The following SYNE1 variants were observed in gnomAD, a reference collection of about 807,000 sequenced individuals.
SYNE1 encodes the protein nesprin-1.
Under a neutral mutation model 1,111.0 loss-of-function variants are expected in SYNE1, and 616 were observed. The observed-to-expected ratio is 0.55, with a 90% CI of 0.52 to 0.59. The LOEUF is 0.59. Among genes scored for constraint, SYNE1 ranks in the 20% least tolerant of loss-of-function variants. SYNE1 has a pLI of 0.00. For synonymous variants in SYNE1, 3,855 were observed against 3,825.8 expected (o/e 1.01, Z -0.28); for missense variants, 10,006 against 10,417.0 (o/e 0.96, Z 1.72).
intron 2 of SYNE1, among the ~76,000 whole-genome samples, chr6:152,634,845 T>A (rs2099703576): frequency 6.6e-6 from 1 of 152,242 alleles, no homozygotes; most frequent in Non-Finnish European, 1.5e-5. Flanking sequence ...AAACATTAGT[T>A]CTCGTTAGAT....
rs960914904 is a variant in SYNE1, at chr6:152,317,121, A to G, written c.16573-135T>C. 84 of 1,022,814 alleles carry G rather than the reference A, an allele frequency of 8.2e-5. No individual in the cohort carries two copies. The Admixed American group carries it at 1.8e-3, about 22-fold the overall frequency. 63.4% of individuals were successfully genotyped at this position (1,022,814 alleles called of 1,614,324 possible). On this transcript the variant is annotated intron_variant, in intron 86 of 145. Coordinates refer to ENST00000367255, the MANE Select transcript of SYNE1 (RefSeq NM_182961.4). ...AATACCTATGATATTCAATGGTATC[A>G]AAAGATCGTTTCCCTGTTAAAATCT... is the stretch of plus-strand genomic sequence containing the variant.
chr6:152,223,197 G>C (rs776289483), intron 117 of SYNE1, among the ~76,000 whole-genome samples: 1 of 152,170 alleles, frequency 6.6e-6, no homozygotes, highest in Non-Finnish European at 1.5e-5. Context: ...AAAGTTATAA[G>C]ATGTGCTTTT....
intron 39 of SYNE1, among the ~76,000 whole-genome samples, chr6:152,423,586 C>T (rs2098303129): frequency 6.6e-6 from 1 of 152,194 alleles, no homozygotes; most frequent in African/African-American, 2.4e-5. Flanking sequence ...TGCCTACTTA[C>T]AATATACTCT....
chr6:152,133,124 A>T, intron 143 of SYNE1, 152 bp downstream of exon 143: 2 of 741,838 alleles, frequency 2.7e-6, no homozygotes, highest in Admixed American at 2.4e-5. Flanking sequence ...CTGCTTTTTT[A>T]TTTTGAGACA....
chr6:152,462,643 A>T, intron 20 of SYNE1, 95 bp downstream of exon 20: 1 of 1,461,114 alleles, frequency 6.8e-7, no homozygotes, highest in Non-Finnish European at 9.6e-7. Context: ...TGCCCAGGAG[A>T]CACAGAAACA....
intron 39 of SYNE1, among the ~76,000 whole-genome samples, chr6:152,421,228 G>C (rs1427649419): frequency 1.3e-5 from 2 of 152,210 alleles, no homozygotes; most frequent in African/African-American, 2.4e-5. Flanking sequence ...ACCTTTAGAA[G>C]AAAGGAATTC....
intron 55 of SYNE1, 106 bp from the exon 56 acceptor site, chr6:152,381,468 C>T: frequency 9.0e-7 from 1 of 1,113,170 alleles, no homozygotes; most frequent in Non-Finnish European, 1.4e-6. Flanking sequence ...GAAGTTTTAA[C>T]AAGTGTGCCA....
intron 127 of SYNE1, among the ~76,000 whole-genome samples, chr6:152,190,125 G>A (rs2071793508): frequency 6.6e-6 from 1 of 152,148 alleles, no homozygotes; most frequent in Non-Finnish European, 1.5e-5. Flanking sequence ...CCACTTTCTT[G>A]TTGACGGCCA....
chr6:152,278,533 A>G (rs2093800912), intron 97 of SYNE1, among the ~76,000 whole-genome samples: 1 of 150,940 alleles, frequency 6.6e-6, no homozygotes, highest in Non-Finnish European at 1.5e-5. Flanking sequence ...AGCGATCTTG[A>G]CTCACTGCAA....
intron 98 of SYNE1, among the ~76,000 whole-genome samples, chr6:152,272,888 C>T (rs984905923): frequency 2.0e-5 from 3 of 152,040 alleles, no homozygotes; most frequent in Non-Finnish European, 4.4e-5. Context: ...CAGATTAACT[C>T]CAAATTATTT....
intron 41 of SYNE1, among the ~76,000 whole-genome samples, chr6:152,413,980 T>G (rs943902862): frequency 8.2e-6 from 1 of 121,878 alleles, no homozygotes; most frequent in African/African-American, 3.2e-5. Flanking sequence ...TACTGAGCTC[T>G]GCAGAATATA....
intron 59 of SYNE1, among the ~76,000 whole-genome samples, chr6:152,370,009 T>C (rs1462273054): frequency 1.0e-5 from 1 of 100,066 alleles, no homozygotes; most frequent in African/African-American, 3.9e-5. Flanking sequence ...AAAAAAAAAA[T>C]TCCACAAAAA....
chr6:152,347,163 CA>C lies in SYNE1; in HGVS notation c.11973del (p.Ile3991MetfsTer69). On this transcript the variant is annotated frameshift_variant, in exon 73 of 146. Transcript: ENST00000367255. LOFTEE classifies it high-confidence loss of function. ...GCTTGCAGGTGGTCTGCACATTGGC[CA>C]ATCAAAGTATCACCTTTCATTTGAA... ...NNLQMKGDTL[I>X]GQCADHLQAK... 2.5e-6 allele frequency: 4 copies of C among 1,614,154 alleles called. No homozygotes were observed. Among genetic ancestry groups the C allele is most frequent in the Admixed American group, 1.7e-5 (1 of 60,018 alleles).
At chr6:152,402,005 CT>C (rs1484820878) in intron 46 of SYNE1, among the ~76,000 whole-genome samples, 1 of 152,240 alleles carries the variant, frequency 6.6e-6, no homozygotes, top group Non-Finnish European at 1.5e-5. Context: ...CACCTCAGAT[CT>C]GCTGGGAGCA....
chr6:152,221,828 G>C lies in SYNE1; in HGVS notation c.21523-269C>G, dbSNP rs563579625. ...TTCTGCTGAAAAACTCACATAGGGT[G>C]CCCTTGTCCATTGTCTGGTAGGAAG... is the stretch of plus-strand genomic sequence containing the variant. On this transcript the variant is annotated intron_variant, in intron 117 of 145. Coordinates refer to ENST00000367255, the MANE Select transcript of SYNE1 (RefSeq NM_182961.4). Among the ~76,000 whole-genome samples, 12 of 152,286 alleles carry C rather than the reference G, an allele frequency of 7.9e-5. No homozygotes were observed. The South Asian group carries it at 2.5e-3, about 32-fold the overall frequency.
chr6:152,486,189 C>T (rs1265396656), intron 12 of SYNE1, among the ~76,000 whole-genome samples: 3 of 148,458 alleles, frequency 2.0e-5, no homozygotes. Flanking sequence ...GACAGAGTGA[C>T]ACTCTGACTA....
chr6:152,262,355 C>T lies in SYNE1; in HGVS notation c.18816-167G>A, dbSNP rs77221625. Reference sequence around the variant, plus strand: ...AATGTTTAGGCCAATCATAAAGCAACTATATTCCTACTCATTGATAAACTG... The same window carrying T: ...AATGTTTAGGCCAATCATAAAGCAATTATATTCCTACTCATTGATAAACTG... On this transcript the variant is annotated intron_variant, in intron 100 of 145. Transcript: ENST00000367255. Among the ~76,000 whole-genome samples, 7 of 152,280 alleles carry T rather than the reference C, an allele frequency of 4.6e-5. No homozygotes were observed. The East Asian group carries it at 1.3e-3, about 29-fold the overall frequency.
At chr6:152,595,788 A>G (rs536148822) in intron 3 of SYNE1, among the ~76,000 whole-genome samples, 1 of 152,298 alleles carries the variant, frequency 6.6e-6, no homozygotes, top group African/African-American at 2.4e-5. Flanking sequence ...ACAAAGCAGT[A>G]AACTTCAAGG....
intron 32 of SYNE1, among the ~76,000 whole-genome samples, chr6:152,440,102 T>C (rs1448478310): frequency 6.6e-6 from 1 of 152,194 alleles, no homozygotes; most frequent in Non-Finnish European, 1.5e-5. Flanking sequence ...TTAGTTTCCC[T>C]ATCTTCCTGT....
Sources: gnomAD v4.1 joint callset for allele counts (sites outside exome capture counted in the v4.1 genomes callset) on GRCh38, gnomAD v4.1.1 for gene constraint, MANE v1.5 for transcripts, NCBI Gene and HGNC (gene_info 2026-07-23, HGNC 2026-07-21) for gene names.